The following CDK17 variants were observed in gnomAD, a reference collection of about 807,000 sequenced individuals.
The protein encoded by CDK17 is cyclin-dependent kinase 17.
Under a neutral mutation model 77.6 loss-of-function variants are expected in CDK17, and 24 were observed. That is an observed-to-expected ratio of 0.31 (90% CI 0.22 to 0.44). CDK17 has a LOEUF of 0.44. Ranked by LOEUF, CDK17 falls within the 20% of genes least tolerant of loss-of-function variation. CDK17 has a pLI of 1.00. For synonymous variants in CDK17, 203 were observed against 210.4 expected (o/e 0.96, Z 0.30); for missense variants, 429 against 622.5 (o/e 0.69, Z 3.31).
intron 1 of CDK17, among the ~76,000 whole-genome samples, chr12:96,365,326 A>G (rs1953567124): frequency 6.6e-6 from 1 of 152,200 alleles, no homozygotes; most frequent in South Asian, 2.1e-4. Context: ...TTGACTCTTA[A>G]AACAATTCTA....
chr12:96,334,983 CT>C, intron 1 of CDK17, 118 bp from the exon 2 acceptor site: 1 of 687,554 alleles, frequency 1.5e-6, no homozygotes, highest in East Asian at 2.7e-5. Flanking sequence ...ATTCTCACTT[CT>C]GCCAAACATC....
intron 1 of CDK17, among the ~76,000 whole-genome samples, chr12:96,358,757 G>A (rs1020861832): frequency 5.3e-5 from 8 of 152,170 alleles, no homozygotes; most frequent in African/African-American, 1.2e-4. Context: ...CCCAGGAGGC[G>A]AAGGCTGCAG....
At chr12:96,291,211 A>G (rs1247366394) in intron 10 of CDK17, among the ~76,000 whole-genome samples, 1 of 152,164 alleles carries the variant, frequency 6.6e-6, no homozygotes, top group Non-Finnish European at 1.5e-5. Context: ...CTTGTGGGTA[A>G]AATTTGCCTG....
chr12:96,289,298 A>C lies in CDK17; in HGVS notation c.998-11T>G, dbSNP rs773200145. ...TGGCTCGGGCTAGTCCTTCATAGGG[A>C]AAATAAAACAAAGGGTTAAGAAAAA... On this transcript the variant is annotated splice_polypyrimidine_tract_variant and intron_variant, in intron 10 of 16. Transcript: ENST00000261211. The C allele has an allele frequency of 9.3e-6, 15 of 1,613,466 alleles. No individual in the cohort carries two copies. In the Admixed American group the frequency reaches 2.0e-4, roughly 22 times the overall value.
rs975236767 is a variant in CDK17, at chr12:96,279,121, A to T, written c.*1121T>A. The stretch of plus-strand genomic sequence containing the variant: ...AAATGCTTAAAATACTGTTACCAAC[A>T]CCAAAGTGTGTTTATGATGTTCAAA... On this transcript the variant is annotated 3_prime_UTR_variant, in exon 17 of 17. Coordinates refer to ENST00000261211, the MANE Select transcript of CDK17 (RefSeq NM_002595.5). 2 of 152,558 alleles carry T rather than the reference A, an allele frequency of 1.3e-5. No individual in the cohort carries two copies. The highest frequency in any genetic ancestry group is 4.8e-5 in the African/African-American group (2 of 41,482). 9.5% of individuals were successfully genotyped at this position (152,558 alleles called of 1,614,324 possible). A position where few individuals can be genotyped will look rare whatever the true frequency, so the allele number is the denominator to read the frequency against.
At chr12:96,394,757 C>G (rs1283022693) in intron 1 of CDK17, among the ~76,000 whole-genome samples, 3 of 146,288 alleles carry the variant, frequency 2.1e-5, no homozygotes, top group Non-Finnish European at 4.5e-5. Context: ...AACTGCAACA[C>G]TGCACTCCAG....
intron 5 of CDK17, among the ~76,000 whole-genome samples, chr12:96,300,605 C>T (rs1952485595): frequency 6.6e-6 from 1 of 152,114 alleles, no homozygotes; most frequent in African/African-American, 2.4e-5. Flanking sequence ...ACACATTGGC[C>T]AGGCTGTTCT....
chr12:96,298,818 G>C (rs373278384), intron 7 of CDK17, 51 bp downstream of exon 7: 2 of 937,370 alleles, frequency 2.1e-6, no homozygotes, highest in East Asian at 2.6e-5. Flanking sequence ...ATAAAAAATA[G>C]ACACTTATTC....
chr12:96,381,479 C>T (rs955833386), intron 1 of CDK17, among the ~76,000 whole-genome samples: 3 of 151,594 alleles, frequency 2.0e-5, no homozygotes, highest in Admixed American at 1.3e-4. Flanking sequence ...ACCTACAGTT[C>T]AAATTTTATA....
Position 96,386,388 on chromosome 12 carries a change from C to T in CDK17, c.-30+13598G>A, listed in dbSNP as rs147201790. 3.4e-3 allele frequency among the ~76,000 whole-genome samples: 525 copies of T among 152,294 alleles called. 2 individuals are homozygous for T. Among genetic ancestry groups the T allele is most frequent in the African/African-American group, 0.011 (449 of 41,548 alleles). ...TACTGGCCAGACACAGAGGCACATG[C>T]CTGCAATCTCGGCACTTTGGGAGGC... On this transcript the variant is annotated intron_variant, in intron 1 of 16. Coordinates refer to ENST00000261211, the MANE Select transcript of CDK17 (RefSeq NM_002595.5).
rs538237874 is a variant in CDK17 at position 96,390,527 on chromosome 12, G to A, written c.-30+9459C>T. ...AGTTCAAGACCAGCCTGCCCAACAT[G>A]GTGAAACATGGTCTCCACTAAAAAT... On this transcript the variant is annotated intron_variant, in intron 1 of 16. Transcript: ENST00000261211. 1.0e-4 allele frequency among the ~76,000 whole-genome samples: 15 copies of A among 145,698 alleles called. No homozygotes were observed. In the East Asian group the frequency reaches 3.0e-3, roughly 29 times the overall value.
At chr12:96,392,956 G>A (rs147889448) in intron 1 of CDK17, among the ~76,000 whole-genome samples, 3 of 152,248 alleles carry the variant, frequency 2.0e-5, no homozygotes, top group East Asian at 1.9e-4. Flanking sequence ...CACAGATAAC[G>A]GCTAATACAA....
At chr12:96,393,043 A>G (rs1223430623) in intron 1 of CDK17, among the ~76,000 whole-genome samples, 1 of 152,236 alleles carries the variant, frequency 6.6e-6, no homozygotes, top group African/African-American at 2.4e-5. Flanking sequence ...TTATTAACTC[A>G]AATTGAGACA....
At position 96,290,775 on chromosome 12, in the gene CDK17, C is replaced by T. The variant is rs78771414; in HGVS notation, c.998-1488G>A. 2.0e-3 allele frequency among the ~76,000 whole-genome samples: 309 copies of T among 152,202 alleles called. 1 individual carries two copies. Among genetic ancestry groups the T allele is most frequent in the African/African-American group, 6.9e-3 (287 of 41,518 alleles). On this transcript the variant is annotated intron_variant, in intron 10 of 16. Transcript: ENST00000261211. ...AACATACCATATCAAGGCAAATTAC[C>T]AGTTATAGTTTCCTCAGTATCCTAC...
Position 96,400,228 on chromosome 12 carries a change from C to A in CDK17, c.-272G>T, listed in dbSNP as rs1032617215. ...CCAAGTCCCTCGGTCAACATGGCTC[C>A]CGCGCCGACGAGCCGCGCGGACGGC... On this transcript the variant is annotated 5_prime_UTR_variant, in exon 1 of 17. Coordinates refer to ENST00000261211, the MANE Select transcript of CDK17 (RefSeq NM_002595.5). 7.6e-6 allele frequency: 3 copies of A among 394,284 alleles called. No individual in the cohort carries two copies. The highest frequency in any genetic ancestry group is 1.3e-5 in the Non-Finnish European group (3 of 223,206). 24.4% of individuals were successfully genotyped at this position (394,284 alleles called of 1,614,324 possible).
chr12:96,344,254 A>T (rs185595291), intron 1 of CDK17, among the ~76,000 whole-genome samples: 1 of 152,194 alleles, frequency 6.6e-6, no homozygotes. Context: ...AGGAGCCCCC[A>T]AAGATAAAAG....
intron 1 of CDK17, among the ~76,000 whole-genome samples, chr12:96,391,438 A>C (rs11611237): frequency 0.49 from 74,781 of 151,336 alleles, 19,412 homozygotes; most frequent in African/African-American, 0.64. Context: ...TACAGGCCTG[A>C]GCCACCACGC....
intron 1 of CDK17, among the ~76,000 whole-genome samples, chr12:96,385,846 TAA>T (rs1953964368): frequency 6.6e-6 from 1 of 151,806 alleles, no homozygotes; most frequent in African/African-American, 2.4e-5. Context: ...AGAAACAAGC[TAA>T]AAGAGTCAGA....
chr12:96,383,414 A>AAC (rs1435948097), intron 1 of CDK17, among the ~76,000 whole-genome samples: 11 of 151,762 alleles, frequency 7.2e-5, no homozygotes, highest in African/African-American at 2.7e-4. Flanking sequence ...GAAAAAAAAA[A>AAC]AAAACTCTTC....
Sources: allele counts gnomAD v4.1 joint callset (sites outside exome capture counted in the v4.1 genomes callset), GRCh38; gene constraint gnomAD v4.1.1; transcripts MANE v1.5; gene names NCBI Gene and HGNC (gene_info 2026-07-23, HGNC 2026-07-21).